Variants in C4orf50 observed in about 807,000 individuals in gnomAD.
The protein encoded by C4orf50 is uncharacterized protein C4orf50.
C4orf50 carries 80 observed loss-of-function variants against 77.2 expected under a neutral mutation model. That is an observed-to-expected ratio of 1.04 (90% CI 0.87 to 1.25). The LOEUF is 1.25. Among genes scored for constraint, C4orf50 ranks in the 50% most tolerant of loss-of-function variants. The pLI is 0.00. For synonymous variants in C4orf50, 532 were observed against 465.3 expected (o/e 1.14, Z -1.84); for missense variants, 1,257 against 1,152.9 (o/e 1.09, Z -1.31).
At chr4:5,998,946 G>A (rs1028254287) in intron 25 of C4orf50, among the ~76,000 whole-genome samples, 3 of 152,136 alleles carry the variant, frequency 2.0e-5, no homozygotes, top group Admixed American at 6.5e-5. Context: ...CCCACATCAG[G>A]GTTTGTCCTT....
intron 26 of C4orf50, 27 bp downstream of exon 4, chr4:5,994,320 C>T (rs1721456233): frequency 2.5e-6 from 1 of 399,182 alleles, no homozygotes; most frequent in Non-Finnish European, 4.4e-6. Context: ...CGCGACTCGT[C>T]CTCCACGCAC....
chr4:5,991,894 C>A (rs1157547874), intron 27 of C4orf50, among the ~76,000 whole-genome samples: 1 of 152,222 alleles, frequency 6.6e-6, no homozygotes, highest in African/African-American at 2.4e-5. Flanking sequence ...GTGGGCAGCA[C>A]CTCGTCCTCT....
chr4:5,951,615 A>C (rs971436826), intron 7 of C4orf50, among the ~76,000 whole-genome samples: 1 of 152,250 alleles, frequency 6.6e-6, no homozygotes, highest in Non-Finnish European at 1.5e-5. Context: ...TGGCACAGAT[A>C]AAATTCCATA....
chr4:5,977,171 A>G (rs974710141), intron 29 of C4orf50, among the ~76,000 whole-genome samples: 1 of 152,224 alleles, frequency 6.6e-6, no homozygotes, highest in Non-Finnish European at 1.5e-5. Flanking sequence ...GCCGGATGCC[A>G]CTGAGTCATG....
chr4:5,975,258 G>A (rs1350530019), intron 30 of C4orf50, among the ~76,000 whole-genome samples: 1 of 151,640 alleles, frequency 6.6e-6, no homozygotes, highest in Non-Finnish European at 1.5e-5. Flanking sequence ...ACAGAGCGCA[G>A]GGGTGGTGAT....
intron 28 of C4orf50, among the ~76,000 whole-genome samples, chr4:5,981,653 C>T (rs984861886): frequency 1.3e-5 from 2 of 152,128 alleles, no homozygotes; most frequent in African/African-American, 4.8e-5. Context: ...ATCCACCCGC[C>T]TCAGCCTCCC....
intron 7 of C4orf50, among the ~76,000 whole-genome samples, chr4:5,933,044 G>C (rs920220230): frequency 6.6e-6 from 1 of 152,066 alleles, no homozygotes; most frequent in South Asian, 2.1e-4. Context: ...CCAGCACCAG[G>C]GATCAGGACC....
In C4orf50 at chr4:5,900,594, T is replaced by C. The variant is rs1436062877; in HGVS notation, c.*2475-2406A>G. The C allele has an allele frequency of 6.6e-6, 1 of 152,200 alleles. No individual in the cohort carries two copies. The highest frequency in any genetic ancestry group is 1.5e-5 in the Non-Finnish European group (1 of 68,042). 9.4% of individuals were successfully genotyped at this position (152,200 alleles called of 1,614,324 possible). Reference sequence around the variant, plus strand: ...GCAACCCAGTAGAAAACTAATTGCATCAGACCAAGACCTAAAATTCTGAAT... The same window carrying C: ...GCAACCCAGTAGAAAACTAATTGCACCAGACCAAGACCTAAAATTCTGAAT... On this transcript the variant is annotated intron_variant, in intron 7 of 7. Coordinates refer to the C4orf50 transcript ENST00000324058. The surrounding 1 kb of genome is among the most constrained non-coding windows in gnomAD (Gnocchi z 4.3).
chr4:5,944,218 A>G (rs1718388557), intron 7 of C4orf50, among the ~76,000 whole-genome samples: 1 of 152,126 alleles, frequency 6.6e-6, no homozygotes, highest in Non-Finnish European at 1.5e-5. Context: ...TCTTCTCTCA[A>G]AGGCTGGGCT....
chr4:5,956,635 C>T (rs1488403582), downstream of C4orf50: 1 of 138,368 alleles, frequency 7.2e-6, no homozygotes, highest in East Asian at 1.9e-4. Flanking sequence ...CAAGCCAACC[C>T]TCTCCTCTGA....
intron 25 of C4orf50, among the ~76,000 whole-genome samples, chr4:6,005,777 A>G (rs1167704854): frequency 6.6e-6 from 1 of 152,190 alleles, no homozygotes; most frequent in African/African-American, 2.4e-5. Flanking sequence ...CCAGATAACC[A>G]TCTTCAAGAA....
At chr4:5,967,489 A>G (rs1202704622) in intron 31 of C4orf50, 27 bp from the exon 10 acceptor site, 1 of 1,608,908 alleles carries the variant, frequency 6.2e-7, no homozygotes, top group Admixed American at 1.7e-5. Flanking sequence ...CTTGGCGGTT[A>G]TTCTGCATGG....
chr4:5,966,899 C>T (rs1379677158), intron 32 of C4orf50, among the ~76,000 whole-genome samples: 9 of 152,306 alleles, frequency 5.9e-5, no homozygotes, highest in South Asian at 4.1e-4. Flanking sequence ...CCGCCTGCCT[C>T]GGCCCCCCAA....
chr4:5,925,466 C>T (rs956213148), intron 7 of C4orf50, among the ~76,000 whole-genome samples: 7 of 152,240 alleles, frequency 4.6e-5, no homozygotes, highest in Non-Finnish European at 4.4e-5. Flanking sequence ...CAGAGGGCCT[C>T]AGGACCGATG....
intron 7 of C4orf50, among the ~76,000 whole-genome samples, chr4:5,915,814 A>G (rs1054203587): frequency 6.6e-6 from 1 of 152,168 alleles, no homozygotes; most frequent in African/African-American, 2.4e-5. Flanking sequence ...CCATCACAGG[A>G]GGTAAGTTCA....
downstream of C4orf50, among the ~76,000 whole-genome samples, chr4:5,952,128 T>C (rs1229965508): frequency 6.6e-6 from 1 of 152,160 alleles, no homozygotes; most frequent in East Asian, 1.9e-4. This position sits in a 1 kb window ranked among gnomAD's most constrained non-coding sequence, Gnocchi z 4.4. Flanking sequence ...GGCACTGTTC[T>C]AGGCACCAGG....
intron 7 of C4orf50, among the ~76,000 whole-genome samples, chr4:5,928,047 A>G (rs978371464): frequency 2.0e-5 from 3 of 152,226 alleles, no homozygotes; most frequent in Non-Finnish European, 4.4e-5. Context: ...AGGCCTCTGC[A>G]AATACGGAGC....
At chr4:5,928,166 C>T (rs761297283) in intron 7 of C4orf50, among the ~76,000 whole-genome samples, 1 of 152,138 alleles carries the variant, frequency 6.6e-6, no homozygotes, top group Non-Finnish European at 1.5e-5. Context: ...AGATAGAGCT[C>T]ATTAAGGCAA....
chr4:5,989,339 C>T (rs1421168932), exon 28 of C4orf50: 3 of 1,536,070 alleles, frequency 2.0e-6, no homozygotes, highest in Non-Finnish European at 2.6e-6. Context: ...GGGCTGGCTT[C>T]ATCCCAATGA....
Sources: gnomAD v4.1 joint callset for allele counts (sites outside exome capture counted in the v4.1 genomes callset) on GRCh38, gnomAD v4.1.1 for gene constraint, Gnocchi (gnomAD v3.1) non-coding constraint, MANE v1.5 for transcripts, NCBI Gene and HGNC (gene_info 2026-07-23, HGNC 2026-07-21) for gene names.